Variants in DCDC2 observed in about 807,000 individuals in gnomAD.
The protein encoded by DCDC2 is doublecortin domain containing 2.
Under a neutral mutation model 50.2 loss-of-function variants are expected in DCDC2, and 40 were observed. The observed-to-expected ratio is 0.80, with a 90% CI of 0.62 to 1.04. The LOEUF (loss-of-function observed/expected upper bound fraction) is 1.04. Ranked by LOEUF, DCDC2 falls within the 50% of genes least tolerant of loss-of-function variation. DCDC2 has a pLI of 0.00. For missense variants in DCDC2, 570 were observed against 581.9 expected (o/e 0.98, Z 0.21); for synonymous variants, 234 against 210.6 (o/e 1.11, Z -0.96).
intron 2 of DCDC2, among the ~76,000 whole-genome samples, chr6:24,324,297 A>G (rs1440891084): frequency 6.6e-6 from 1 of 152,198 alleles, no homozygotes; most frequent in African/African-American, 2.4e-5. Flanking sequence ...TTACCTAATC[A>G]GCCCACTGTA....
chr6:24,303,738 C>A (rs995882125), intron 2 of DCDC2, among the ~76,000 whole-genome samples: 6 of 152,178 alleles, frequency 3.9e-5, no homozygotes, highest in African/African-American at 1.4e-4. Context: ...ATTTTCTAAT[C>A]ATCAAAACAG....
chr6:24,202,305 C>T (rs6932594), intron 8 of DCDC2, among the ~76,000 whole-genome samples: 3,536 of 152,294 alleles, frequency 0.023, 109 homozygotes, highest in African/African-American at 0.076. Flanking sequence ...GGCTTCATCC[C>T]TGGGATGGAA....
intron 7 of DCDC2, among the ~76,000 whole-genome samples, chr6:24,259,202 C>T (rs1425351858): frequency 2.6e-5 from 4 of 151,676 alleles, no homozygotes; most frequent in Non-Finnish European, 4.4e-5. Flanking sequence ...GTAGGATGTA[C>T]GTGACAAATC....
In DCDC2 at chr6:24,253,166, A is replaced by G. The variant is rs556983430; in HGVS notation, c.922+24883T>C. On this transcript the variant is annotated intron_variant, in intron 7 of 9. Transcript: ENST00000378454. ...AAGTTAAACTCAAAGAAAGCTGAAG[A>G]AAGGAAATAAATATAAGGGTAGAGA... is the stretch of plus-strand genomic sequence containing the variant. Among the ~76,000 whole-genome samples the G allele has an allele frequency of 7.2e-5, 11 of 152,240 alleles. No homozygotes were observed. The East Asian group carries it at 2.1e-3, about 29-fold the overall frequency.
chr6:24,265,827 A>T (rs942597388), intron 7 of DCDC2, among the ~76,000 whole-genome samples: 95 of 152,102 alleles, frequency 6.2e-4, no homozygotes, highest in African/African-American at 2.2e-3. Context: ...AAATTCATAT[A>T]CCATAATGAT....
chr6:24,302,916 CA>C (rs1423349504), intron 2 of DCDC2, among the ~76,000 whole-genome samples: 1 of 152,022 alleles, frequency 6.6e-6, no homozygotes, highest in Non-Finnish European at 1.5e-5. Context: ...CATTTCATTC[CA>C]AATGTCAAGA....
intron 9 of DCDC2, among the ~76,000 whole-genome samples, chr6:24,175,341 T>A (rs531226106): frequency 3.3e-5 from 5 of 152,186 alleles, no homozygotes; most frequent in Non-Finnish European, 7.4e-5. Flanking sequence ...CAACTATTGC[T>A]CCTGCCACTT....
intron 7 of DCDC2, among the ~76,000 whole-genome samples, chr6:24,215,146 G>A (rs1761947883): frequency 6.6e-6 from 1 of 152,214 alleles, no homozygotes; most frequent in South Asian, 2.1e-4. Flanking sequence ...AAAGAAGGCT[G>A]TGAGAGACGG....
At chr6:24,177,829 T>C (rs1462975222) in intron 9 of DCDC2, among the ~76,000 whole-genome samples, 1 of 152,340 alleles carries the variant, frequency 6.6e-6, no homozygotes, top group East Asian at 1.9e-4. Flanking sequence ...GTTGAATGCT[T>C]AATTTGATTA....
At chr6:24,297,835 A>G (rs1008231446) in intron 4 of DCDC2, among the ~76,000 whole-genome samples, 2 of 151,936 alleles carry the variant, frequency 1.3e-5, no homozygotes, top group Admixed American at 1.3e-4. Context: ...ATAATCTTGG[A>G]GTAAGGAAGA....
chr6:24,244,030 C>T (rs928907788), intron 7 of DCDC2, among the ~76,000 whole-genome samples: 1 of 152,198 alleles, frequency 6.6e-6, no homozygotes, highest in African/African-American at 2.4e-5. Context: ...TAAGTAGCAT[C>T]CAGCTAAAGA....
intron 8 of DCDC2, among the ~76,000 whole-genome samples, chr6:24,197,920 G>A (rs979105480): frequency 3.9e-5 from 6 of 152,126 alleles, no homozygotes; most frequent in African/African-American, 1.2e-4. Flanking sequence ...GAAGCTTGAT[G>A]TATTATATTA....
chr6:24,353,685 T>A (rs1460782112), intron 1 of DCDC2, 62 bp from the exon 2 acceptor site: 3 of 1,076,400 alleles, frequency 2.8e-6, no homozygotes, highest in Admixed American at 2.5e-5. Flanking sequence ...AGTAATTTAT[T>A]TTTAAAAATC....
intron 7 of DCDC2, among the ~76,000 whole-genome samples, chr6:24,275,397 G>A (rs1308752469): frequency 6.6e-6 from 1 of 152,098 alleles, no homozygotes; most frequent in Non-Finnish European, 1.5e-5. Flanking sequence ...TTAATCTAGT[G>A]AACTGCACAA....
At position 24,357,652 on chromosome 6, in the gene DCDC2, G is replaced by A. The variant is rs755386397; in HGVS notation, c.99C>T (p.Arg33=). The change falls in exon 1 of 10, where the codon CGC becomes CGT. Residue 33 remains arginine, a synonymous_variant. Coordinates refer to ENST00000378454, the MANE Select transcript of DCDC2 (RefSeq NM_016356.5). ...RNGDPFYAGR[R]VVIHEKKVSS... ...ACACCTTCTTCTCATGGATGACGAC[G>A]CGGCGCCCCGCGTAGAAGGGGTCCC... is the stretch of plus-strand genomic sequence containing the variant. 5 of 1,613,404 alleles carry A rather than the reference G, an allele frequency of 3.1e-6. No homozygotes were observed. Among genetic ancestry groups the A allele is most frequent in the Non-Finnish European group, 4.2e-6 (5 of 1,180,028 alleles).
the DCDC2 span, among the ~76,000 whole-genome samples, chr6:24,363,433 T>C: frequency 6.6e-6 from 1 of 152,108 alleles, no homozygotes; most frequent in African/African-American, 2.4e-5. Flanking sequence ...CCTGGGAAGT[T>C]GAGGCTGCAG....
At chr6:24,252,778 C>T (rs187143517) in intron 7 of DCDC2, among the ~76,000 whole-genome samples, 73 of 152,214 alleles carry the variant, frequency 4.8e-4, no homozygotes, top group Non-Finnish European at 9.3e-4. Context: ...GAATTGTTAC[C>T]AAATTTCACC....
At chr6:24,201,989 T>C (rs1163525859) in intron 8 of DCDC2, among the ~76,000 whole-genome samples, 3 of 151,698 alleles carry the variant, frequency 2.0e-5, no homozygotes, top group Non-Finnish European at 4.4e-5. Flanking sequence ...ATTGAGGCAG[T>C]AATAGCCTGC....
At chr6:24,374,388 A>G in the DCDC2 span, among the ~76,000 whole-genome samples, 1 of 151,750 alleles carries the variant, frequency 6.6e-6, no homozygotes. Flanking sequence ...CCTGGCCAAT[A>G]TGGCAAAACC....
Sources: allele counts gnomAD v4.1 joint callset (sites outside exome capture counted in the v4.1 genomes callset), GRCh38; gene constraint gnomAD v4.1.1; transcripts MANE v1.5; gene names NCBI Gene and HGNC (gene_info 2026-07-23, HGNC 2026-07-21).